Variants in LRIF1 observed in about 807,000 individuals in gnomAD.
The protein encoded by LRIF1 is ligand-dependent nuclear receptor-interacting factor 1.
A neutral mutation model predicts 52.7 loss-of-function variants in LRIF1; 32 were observed. That is an observed-to-expected ratio of 0.61 (90% CI 0.46 to 0.82). The LOEUF (loss-of-function observed/expected upper bound fraction) is 0.82. LRIF1 is among the 40% of genes least tolerant of loss of function. The probability of loss-of-function intolerance (pLI) is 0.00; values close to 1 mark genes in which losing one functional copy is unlikely to be tolerated. For synonymous variants in LRIF1, 323 were observed against 317.4 expected (o/e 1.02, Z -0.19); for missense variants, 887 against 892.0 (o/e 0.99, Z 0.07).
the LRIF1 span, among the ~76,000 whole-genome samples, chr1:110,904,396 C>A: frequency 1.3e-5 from 2 of 152,276 alleles, no homozygotes; most frequent in East Asian, 3.9e-4. Context: ...CACAGGCGTG[C>A]TTGTGTCACT....
Position 110,951,531 on chromosome 1 carries a change from A to T in LRIF1, c.1353T>A (p.Ser451=). ...RAEKNKVEKP[S]PSTTNPHMNQ... Reference sequence around the variant, plus strand: ...TCATATGTGGATTTGTGGTAGAAGGAGATGGTTTCTCCACTTTATTCTTCT... The same window carrying T: ...TCATATGTGGATTTGTGGTAGAAGGTGATGGTTTCTCCACTTTATTCTTCT... Residue 451 remains serine (S), a synonymous_variant, in exon 2 of 4, where the codon TCT becomes TCA. Coordinates refer to ENST00000369763, the MANE Select transcript of LRIF1 (RefSeq NM_018372.4). The T allele has an allele frequency of 6.2e-7, 1 of 1,614,154 alleles. No individual in the cohort carries two copies. The highest frequency in any genetic ancestry group is 8.5e-7 in the Non-Finnish European group (1 of 1,180,020).
At position 110,949,947 on chromosome 1, in the gene LRIF1, C is replaced by A. The variant is rs572393647; in HGVS notation, c.1773G>T (p.Leu591Phe). 2.5e-6 allele frequency: 4 copies of A among 1,614,122 alleles called. No individual in the cohort carries two copies. The highest frequency in any genetic ancestry group is 3.3e-5 in the Admixed American group (2 of 60,018). The change falls in exon 3 of 4, where the codon TTG (leucine) becomes TTT (phenylalanine). Residue 591 changes from leucine (L) to phenylalanine (F), a missense_variant. By Grantham distance (22) the Leu-to-Phe change is conservative. Coordinates refer to ENST00000369763, the MANE Select transcript of LRIF1 (RefSeq NM_018372.4). ...RVCLTRIPDH[L>F]TSGEGFDSFS... ...AGGAATCGAAACCTTCTCCAGAGGT[C>A]AAATGGTCAGGAATTCGAGTAAGGC...
intron 2 of LRIF1, among the ~76,000 whole-genome samples, chr1:110,950,714 G>GA (rs2101107636): frequency 1.3e-5 from 2 of 150,966 alleles, no homozygotes; most frequent in East Asian, 3.9e-4. Context: ...AAAGGAAAAT[G>GA]AAATTTGTCT....
At position 110,947,945 on chromosome 1, in the gene LRIF1, CTT is replaced by C. The variant is rs759505951; in HGVS notation, c.*12_*13del. The C allele has an allele frequency of 6.4e-7, 1 of 1,560,808 alleles. No homozygotes were observed. The highest frequency in any genetic ancestry group is 1.4e-5 in the African/African-American group (1 of 72,316). On this transcript the variant is annotated 3_prime_UTR_variant, in exon 4 of 4. Transcript: ENST00000369763. ...TAAAAAACAGCTATTTCACTGAAGT[CTT>C]TACAGGAGATTTTATTTTTGGTGCA...
At chr1:110,882,307 A>G in the LRIF1 span, among the ~76,000 whole-genome samples, 4 of 152,138 alleles carry the variant, frequency 2.6e-5, no homozygotes, top group Non-Finnish European at 5.9e-5. Flanking sequence ...TTTGCATATT[A>G]ATAGACAATT....
chr1:110,898,063 G>T, the LRIF1 span, among the ~76,000 whole-genome samples: 1 of 152,114 alleles, frequency 6.6e-6, no homozygotes, highest in Non-Finnish European at 1.5e-5. Context: ...TTGCTTTAAG[G>T]TATATAGAAA....
At position 110,952,160 on chromosome 1, in the gene LRIF1, C is replaced by T. The variant is rs983788342; in HGVS notation, c.724G>A (p.Val242Ile). The T allele has an allele frequency of 1.9e-6, 3 of 1,614,016 alleles. No homozygotes were observed. The highest frequency in any genetic ancestry group is 1.7e-5 in the Admixed American group (1 of 59,996). ...TAAATGTTTTGAAAGTTCTTGGTAA[C>T]TACATTTTTCACTGTATTTACAGGA... is the stretch of plus-strand genomic sequence containing the variant. The part of the protein sequence containing the change: ...VSPVNTVKNV[V>I]TKNFQNIYPK... The change falls in exon 2 of 4, where the codon GTT becomes ATT. Residue 242 changes from valine to isoleucine, a missense_variant. Val to Ile is a conservative substitution (Grantham distance 29, BLOSUM62 3). Coordinates refer to ENST00000369763, the MANE Select transcript of LRIF1 (RefSeq NM_018372.4).
At chr1:110,900,718 A>T in the LRIF1 span, among the ~76,000 whole-genome samples, 2 of 150,106 alleles carry the variant, frequency 1.3e-5, no homozygotes, top group African/African-American at 4.9e-5. Flanking sequence ...ACACTGTTTT[A>T]AAAAAGTGAG....
At chr1:110,885,232 T>C in the LRIF1 span, among the ~76,000 whole-genome samples, 1 of 152,234 alleles carries the variant, frequency 6.6e-6, no homozygotes, top group Admixed American at 6.5e-5. Context: ...CTGTTACTAT[T>C]TTTGTTTGAA....
chr1:110,932,655 T>C, the LRIF1 span, among the ~76,000 whole-genome samples: 2 of 152,242 alleles, frequency 1.3e-5, no homozygotes, highest in African/African-American at 4.8e-5. Context: ...TTGATCATTT[T>C]TGTTGGTATC....
chr1:110,907,483 C>T, the LRIF1 span, among the ~76,000 whole-genome samples: 3 of 152,116 alleles, frequency 2.0e-5, no homozygotes, highest in African/African-American at 7.2e-5. Context: ...GGCGCGGTGG[C>T]TCACGCCTGT....
chr1:110,892,442 A>C, the LRIF1 span: 1 of 1,613,944 alleles, frequency 6.2e-7, no homozygotes. Flanking sequence ...ACGCTGGGCA[A>C]TGTGTTTGTC....
In LRIF1 at chr1:110,956,900, TA is replaced by T. The variant is rs544008153; in HGVS notation, c.69-4086del. On this transcript the variant is annotated intron_variant, in intron 1 of 3. Coordinates refer to ENST00000369763, the MANE Select transcript of LRIF1 (RefSeq NM_018372.4). Reference sequence around the variant, plus strand: ...TCTATTTTCTTTCCTATTATTCTACTAAAACTTCATTCTCAAAGATTACCAA... The same window carrying T: ...TCTATTTTCTTTCCTATTATTCTACTAAACTTCATTCTCAAAGATTACCAA... 2.8e-3 allele frequency among the ~76,000 whole-genome samples: 421 copies of T among 152,254 alleles called. 2 individuals are homozygous for T. The highest frequency in any genetic ancestry group is 9.8e-3 in the African/African-American group (406 of 41,546).
At chr1:110,885,610 C>T in the LRIF1 span, among the ~76,000 whole-genome samples, 8 of 152,018 alleles carry the variant, frequency 5.3e-5, no homozygotes, top group East Asian at 1.5e-3. Flanking sequence ...AGCCTGTAAT[C>T]CCAACACTTT....
At position 110,963,817 on chromosome 1, in the gene LRIF1, G is replaced by A; in HGVS notation, c.-129C>T. 3.0e-6 allele frequency: 2 copies of A among 657,030 alleles called. No homozygotes were observed. The highest frequency in any genetic ancestry group is 5.3e-6 in the Non-Finnish European group (2 of 380,002). The allele number at this position is 657,030 out of a possible 1,614,324, so 40.7% of individuals were successfully genotyped here. On this transcript the variant is annotated 5_prime_UTR_variant, in exon 1 of 4. Transcript: ENST00000369763. ...TGCCCACAGCAACTGTGAGGGGTTC[G>A]ACCTTAACGGAGGGCGACAGCGGGC...
chr1:110,915,929 A>G, the LRIF1 span, among the ~76,000 whole-genome samples: 2 of 152,260 alleles, frequency 1.3e-5, no homozygotes, highest in East Asian at 1.9e-4. Flanking sequence ...GACTGACAAC[A>G]GCACATCTTT....
chr1:110,957,047 G>A (rs184732136), intron 1 of LRIF1, among the ~76,000 whole-genome samples: 1 of 152,094 alleles, frequency 6.6e-6, no homozygotes, highest in East Asian at 1.9e-4. Flanking sequence ...TACAACCTCT[G>A]TTTCTCTTGA....
the LRIF1 span, among the ~76,000 whole-genome samples, chr1:110,903,140 T>C: frequency 6.6e-6 from 1 of 152,172 alleles, no homozygotes; most frequent in African/African-American, 2.4e-5. Flanking sequence ...GCAAACCTCA[T>C]CACCAACAGC....
At chr1:110,929,792 T>C in the LRIF1 span, among the ~76,000 whole-genome samples, 3 of 152,086 alleles carry the variant, frequency 2.0e-5, no homozygotes, top group Non-Finnish European at 4.4e-5. Context: ...TTCTCACTTA[T>C]AAATGGGAGC....
Sources: gnomAD v4.1 joint callset for allele counts (sites outside exome capture counted in the v4.1 genomes callset) on GRCh38, gnomAD v4.1.1 for gene constraint, MANE v1.5 for transcripts, NCBI Gene and HGNC (gene_info 2026-07-23, HGNC 2026-07-21) for gene names.